Variants in INPP4A observed in about 807,000 individuals in gnomAD.
The protein encoded by INPP4A is inositol polyphosphate-4-phosphatase, type I, 107kD.
INPP4A carries 33 observed loss-of-function variants against 119.8 expected under a neutral mutation model. The observed-to-expected ratio is 0.28, with a 90% CI of 0.21 to 0.37. INPP4A has a LOEUF of 0.37. Among genes scored for constraint, INPP4A ranks in the 10% least tolerant of loss-of-function variants. INPP4A has a pLI of 1.00. For missense variants in INPP4A, 956 were observed against 1,289.9 expected (o/e 0.74, Z 3.97); for synonymous variants, 496 against 500.7 (o/e 0.99, Z 0.12).
chr2:98,514,531 C>T (rs1685743427), intron 1 of INPP4A, among the ~76,000 whole-genome samples: 1 of 152,086 alleles, frequency 6.6e-6, no homozygotes, highest in Non-Finnish European at 1.5e-5. Flanking sequence ...ACCCTCCCAC[C>T]TCTGGGGAGG....
chr2:98,535,918 T>C (rs986781067), intron 6 of INPP4A, 73 bp downstream of exon 6: 9 of 798,780 alleles, frequency 1.1e-5, no homozygotes, highest in African/African-American at 5.1e-5. Flanking sequence ...GAATGAGAGA[T>C]GAACACAGAT....
At chr2:98,520,797 T>C in intron 4 of INPP4A, 66 bp downstream of exon 4, 1 of 868,656 alleles carries the variant, frequency 1.2e-6, no homozygotes, top group South Asian at 1.6e-5. Flanking sequence ...ACAAAAACAC[T>C]ACCACCAGTG....
intron 1 of INPP4A, among the ~76,000 whole-genome samples, chr2:98,497,306 A>C (rs746799304): frequency 6.6e-6 from 1 of 152,228 alleles, no homozygotes; most frequent in Non-Finnish European, 1.5e-5. Context: ...TGGGGCCCTC[A>C]TGAAGAATTT....
At chr2:98,540,932 A>G (rs1304850537) in intron 10 of INPP4A, among the ~76,000 whole-genome samples, 1 of 152,256 alleles carries the variant, frequency 6.6e-6, no homozygotes, top group African/African-American at 2.4e-5. Context: ...TAAACACAAT[A>G]TAACAGAAGC....
intron 17 of INPP4A, among the ~76,000 whole-genome samples, 197 bp downstream of exon 17, chr2:98,559,692 G>A (rs1695117766): frequency 6.6e-6 from 1 of 152,232 alleles, no homozygotes; most frequent in Non-Finnish European, 1.5e-5. Context: ...ATTGTGGCCT[G>A]AGGCAGACTA....
intron 1 of INPP4A, among the ~76,000 whole-genome samples, chr2:98,484,765 G>A (rs1679206985): frequency 6.6e-6 from 1 of 152,056 alleles, no homozygotes; most frequent in Non-Finnish European, 1.5e-5. Flanking sequence ...TATATTGGTA[G>A]ATCTTACTTA....
rs939395785 is a variant in INPP4A, at chr2:98,537,753, G to C, written c.468-110G>C. The C allele has an allele frequency of 5.2e-6, 4 of 767,924 alleles. No individual in the cohort carries two copies. In the African/African-American group the frequency reaches 6.9e-5, roughly 13 times the overall value. The allele number at this position is 767,924 out of a possible 1,614,324, so 47.6% of individuals were successfully genotyped here. On this transcript the variant is annotated intron_variant, in intron 7 of 24. Transcript: ENST00000409851. Reference sequence around the variant, plus strand: ...GCTGACTGACTGGTCAGTCAGCTCGGCCCTGCTGCCCCCAGGACCCTGATG... The same window carrying C: ...GCTGACTGACTGGTCAGTCAGCTCGCCCCTGCTGCCCCCAGGACCCTGATG...
intron 21 of INPP4A, among the ~76,000 whole-genome samples, chr2:98,568,228 C>A (rs988940428): frequency 6.6e-6 from 1 of 152,136 alleles, no homozygotes; most frequent in African/African-American, 2.4e-5. Flanking sequence ...TCACTGCCGT[C>A]CCCCCTCCTA....
At chr2:98,572,488 A>C (rs982235479) in intron 22 of INPP4A, among the ~76,000 whole-genome samples, 1 of 151,310 alleles carries the variant, frequency 6.6e-6, no homozygotes, top group Non-Finnish European at 1.5e-5. Flanking sequence ...GATCCCTCTC[A>C]CTCCCTCCTA....
At chr2:98,465,810 G>A (rs1449975447) in intron 1 of INPP4A, among the ~76,000 whole-genome samples, 2 of 152,148 alleles carry the variant, frequency 1.3e-5, no homozygotes, top group African/African-American at 4.8e-5. Flanking sequence ...CCCTGTTCCT[G>A]TGAGGGCCTG....
chr2:98,552,806 C>A lies in INPP4A; in HGVS notation c.1184C>A (p.Ser395Tyr), dbSNP rs1440608399. 2.5e-6 allele frequency: 4 copies of A among 1,613,320 alleles called. No individual in the cohort carries two copies. The East Asian group carries it at 8.9e-5, about 36-fold the overall frequency. Residue 395 changes from serine (S) to tyrosine (Y), a missense_variant, in exon 14 of 25, where the codon TCC (serine) becomes TAC (tyrosine). By Grantham distance (144) the Ser-to-Tyr change is moderately radical. Around this residue, in one of 2 missense-constraint regions of INPP4A, gnomAD observed 652 missense variants for 797.9 expected, o/e 0.82. Transcript: ENST00000409851. ...TKKHTSSGCQ[S>Y]IIYIPQDVVR... ...TCCAGTACATCATCTGGCTGCCAGTCCATAATCTACATACCCCAGGATGTT... is the reference window on the plus strand; with the variant it reads ...TCCAGTACATCATCTGGCTGCCAGTACATAATCTACATACCCCAGGATGTT...
At chr2:98,555,158 C>T (rs752367382) in intron 15 of INPP4A, among the ~76,000 whole-genome samples, 2 of 152,196 alleles carry the variant, frequency 1.3e-5, no homozygotes, top group Non-Finnish European at 2.9e-5. Flanking sequence ...TCCCCACCTC[C>T]CCTATCGAAA....
intron 18 of INPP4A, 50 bp downstream of exon 18, chr2:98,563,687 GAA>G: frequency 6.3e-7 from 1 of 1,583,418 alleles, no homozygotes; most frequent in Non-Finnish European, 8.6e-7. Context: ...TCTCAGCTCA[GAA>G]AAGACAGGCT....
chr2:98,573,650 C>T (rs974483214), intron 23 of INPP4A, among the ~76,000 whole-genome samples: 7 of 152,286 alleles, frequency 4.6e-5, no homozygotes, highest in Admixed American at 3.9e-4. Flanking sequence ...GGGTCCAGCC[C>T]TCCACAGCTT....
chr2:98,487,306 C>T (rs1250753114), intron 1 of INPP4A, among the ~76,000 whole-genome samples: 1 of 152,186 alleles, frequency 6.6e-6, no homozygotes, highest in African/African-American at 2.4e-5. Context: ...TCATATCTCC[C>T]TAGGCTCCTT....
chr2:98,564,582 A>G, intron 18 of INPP4A, 58 bp from the exon 19 acceptor site: 1 of 1,606,702 alleles, frequency 6.2e-7, no homozygotes, highest in Non-Finnish European at 8.5e-7. Context: ...GCATGATCTG[A>G]CTGCCATTTG....
At chr2:98,524,747 T>C (rs555888330) in intron 4 of INPP4A, among the ~76,000 whole-genome samples, 1 of 152,220 alleles carries the variant, frequency 6.6e-6, no homozygotes, top group African/African-American at 2.4e-5. Flanking sequence ...AGGGAATTCC[T>C]GTCCAGGCAG....
intron 24 of INPP4A, among the ~76,000 whole-genome samples, chr2:98,587,064 C>T (rs757767868): frequency 4.6e-5 from 7 of 152,224 alleles, no homozygotes; most frequent in Non-Finnish European, 7.3e-5. Flanking sequence ...AAAAGTCCGG[C>T]TCTTTAAAGC....
At chr2:98,451,701 C>T (rs1017063109) in intron 1 of INPP4A, among the ~76,000 whole-genome samples, 5 of 152,156 alleles carry the variant, frequency 3.3e-5, no homozygotes, top group East Asian at 1.9e-4. Context: ...GCATATTGAA[C>T]GCCCTTCTTT....
Sources: allele counts gnomAD v4.1 joint callset (sites outside exome capture counted in the v4.1 genomes callset), GRCh38; gene constraint gnomAD v4.1.1; regional missense constraint gnomAD v4.1.1; transcripts MANE v1.5; gene names NCBI Gene and HGNC (gene_info 2026-07-23, HGNC 2026-07-21).